MEF2A: variants seen among roughly 807,000 people sequenced by gnomAD.
MEF2A encodes the protein myocyte enhancer factor 2A.
A neutral mutation model predicts 55.8 loss-of-function variants in MEF2A; 28 were observed. The ratio of observed to expected loss-of-function variants is 0.50; its 90% CI spans 0.37 to 0.69. MEF2A has a LOEUF of 0.69. MEF2A is among the 30% of genes least tolerant of loss of function. The pLI is 0.00. For synonymous variants in MEF2A, 239 were observed against 227.1 expected (o/e 1.05, Z -0.47); for missense variants, 528 against 626.2 (o/e 0.84, Z 1.67).
intron 8 of MEF2A, among the ~76,000 whole-genome samples, chr15:99,695,184 G>A (rs1230683394): frequency 6.6e-6 from 1 of 151,780 alleles, no homozygotes; most frequent in East Asian, 1.9e-4. Context: ...GACTATGTAA[G>A]GCAAAAATAG....
intron 1 of MEF2A, among the ~76,000 whole-genome samples, chr15:99,594,666 C>G (rs1970559142): frequency 6.6e-6 from 1 of 152,054 alleles, no homozygotes; most frequent in Admixed American, 6.6e-5. Flanking sequence ...GCCCCCTAGT[C>G]ACTAGTCATT....
intron 4 of MEF2A, among the ~76,000 whole-genome samples, chr15:99,668,675 T>A (rs1342755588): frequency 6.6e-6 from 1 of 152,178 alleles, no homozygotes; most frequent in Non-Finnish European, 1.5e-5. Context: ...TTTTCCTCAT[T>A]GAGCAAGTGT....
intron 5 of MEF2A, among the ~76,000 whole-genome samples, chr15:99,672,151 G>A (rs1394939306): frequency 6.6e-6 from 1 of 152,108 alleles, no homozygotes; most frequent in African/African-American, 2.4e-5. Flanking sequence ...CAATTATTTT[G>A]TATAGTTGCT....
intron 3 of MEF2A, among the ~76,000 whole-genome samples, chr15:99,637,149 A>G (rs2034932522): frequency 6.9e-6 from 1 of 144,768 alleles, no homozygotes; most frequent in East Asian, 2.0e-4. Flanking sequence ...CCAGCTGACT[A>G]TTCTTGCCCT....
chr15:99,623,657 T>C (rs1250336789), intron 2 of MEF2A, among the ~76,000 whole-genome samples: 1 of 152,216 alleles, frequency 6.6e-6, no homozygotes, highest in Non-Finnish European at 1.5e-5. Context: ...ATGTTGAGCA[T>C]CTTTTCATAG....
chr15:99,674,248 A>G (rs2051454733), intron 5 of MEF2A, 145 bp from the exon 6 acceptor site: 1 of 638,766 alleles, frequency 1.6e-6, no homozygotes, highest in Non-Finnish European at 2.6e-6. Context: ...TAAAGAAAAT[A>G]GCTTTAATCT....
rs1205333724 is a variant in MEF2A at position 99,703,526 on chromosome 15, T to C, written c.882+141T>C. The C allele has an allele frequency of 1.4e-5, 9 of 634,220 alleles. No individual in the cohort carries two copies. In the East Asian group the frequency reaches 2.8e-4, roughly 20 times the overall value. 39.3% of individuals were successfully genotyped at this position (634,220 alleles called of 1,614,324 possible). On this transcript the variant is annotated intron_variant, in intron 9 of 11. Coordinates refer to ENST00000557942, the MANE Select transcript of MEF2A (RefSeq NM_001319206.4). Reference sequence around the variant, plus strand: ...TTCAAACACTTTGAATAAAGCAATCTACTGGTACTACAGACTCTAGTTTTT... The same window carrying C: ...TTCAAACACTTTGAATAAAGCAATCCACTGGTACTACAGACTCTAGTTTTT...
At chr15:99,673,680 G>C (rs966074285) in intron 5 of MEF2A, among the ~76,000 whole-genome samples, 1 of 152,092 alleles carries the variant, frequency 6.6e-6, no homozygotes, top group Non-Finnish European at 1.5e-5. Context: ...GGAATAATTT[G>C]GAGGGAGGGA....
At chr15:99,675,767 G>A (rs1245919603) in intron 7 of MEF2A, among the ~76,000 whole-genome samples, 9 of 152,272 alleles carry the variant, frequency 5.9e-5, no homozygotes, top group Middle Eastern at 3.4e-3. Flanking sequence ...GCCGGGCGTC[G>A]TGGCTCACAC....
intron 7 of MEF2A, among the ~76,000 whole-genome samples, chr15:99,688,345 A>G (rs2054702790): frequency 6.6e-6 from 1 of 152,264 alleles, no homozygotes; most frequent in Non-Finnish European, 1.5e-5. Flanking sequence ...CGAAAGATCC[A>G]GAAGTGGTAC....
chr15:99,712,521 A>C lies in MEF2A; in HGVS notation c.1268A>C (p.Gln423Pro), dbSNP rs200861006. The C allele has an allele frequency of 4.6e-6, 7 of 1,537,658 alleles. No individual in the cohort carries two copies. The highest frequency in any genetic ancestry group is 6.1e-6 in the Non-Finnish European group (7 of 1,142,328). ...TPSGFQQQQQ[Q>P]QQQQQPPPPP... The stretch of plus-strand genomic sequence containing the variant: ...TCGGGCTTCCAGCAGCAGCAGCAGC[A>C]GCAGCAGCAGCAGCAGCCGCCGCCA... Residue 423 changes from glutamine (Q) to proline (P), a missense_variant, in exon 12 of 12, where the codon CAG (glutamine) becomes CCG (proline). By Grantham distance (76) the Gln-to-Pro change is moderately conservative (BLOSUM62 -1). Transcript: ENST00000557942. The surrounding 1 kb of genome is among the most constrained non-coding windows in gnomAD (Gnocchi z 4.1).
rs1021066864 is a variant in MEF2A, at chr15:99,622,511, AT to A, written c.-142-10460del. Among the ~76,000 whole-genome samples the A allele has an allele frequency of 3.9e-5, 6 of 152,006 alleles. 1 individual carries two copies. Among genetic ancestry groups the A allele is most frequent in the Middle Eastern group, 6.3e-3 (2 of 316 alleles). On this transcript the variant is annotated intron_variant, in intron 2 of 11. Transcript: ENST00000557942. The stretch of plus-strand genomic sequence containing the variant: ...CTGGAATTATTTGAAAGATATATGC[AT>A]TTTTTTCAGTATTTGAATATTTTGA...
intron 2 of MEF2A, among the ~76,000 whole-genome samples, chr15:99,619,817 C>G (rs948576404): frequency 1.3e-5 from 2 of 152,146 alleles, no homozygotes; most frequent in Non-Finnish European, 2.9e-5. Context: ...TAGAAATTGT[C>G]AGGTGCCAAA....
At chr15:99,599,461 A>G (rs1972280050) in intron 2 of MEF2A, among the ~76,000 whole-genome samples, 1 of 152,100 alleles carries the variant, frequency 6.6e-6, no homozygotes, top group South Asian at 2.1e-4. Context: ...TTCTTGAATG[A>G]TTAAATAGTA....
chr15:99,647,392 G>A (rs1278376693), intron 4 of MEF2A, among the ~76,000 whole-genome samples: 1 of 151,856 alleles, frequency 6.6e-6, no homozygotes, highest in Non-Finnish European at 1.5e-5. Context: ...CAGCAAATAA[G>A]TATTCTAGCT....
chr15:99,682,339 T>G (rs1480845870), intron 7 of MEF2A, among the ~76,000 whole-genome samples: 2 of 152,206 alleles, frequency 1.3e-5, no homozygotes, highest in Admixed American at 1.3e-4. Context: ...TTCACATTTG[T>G]GTTAGGATAG....
chr15:99,668,362 G>A (rs1354381435), intron 4 of MEF2A, among the ~76,000 whole-genome samples: 1 of 152,118 alleles, frequency 6.6e-6, no homozygotes, highest in Admixed American at 6.5e-5. Context: ...TGTTGTAGAA[G>A]ACATTTCTTT....
chr15:99,591,681 T>A (rs925701561), intron 1 of MEF2A, among the ~76,000 whole-genome samples: 63 of 152,232 alleles, frequency 4.1e-4, no homozygotes, highest in Non-Finnish European at 1.0e-4. Context: ...CACAGGTTCT[T>A]CATAATCTGT....
intron 4 of MEF2A, among the ~76,000 whole-genome samples, chr15:99,655,720 A>T (rs966674588): frequency 4.6e-5 from 7 of 152,148 alleles, no homozygotes; most frequent in Non-Finnish European, 8.8e-5. Flanking sequence ...GGGTTAGGCC[A>T]TGTTCTAAGG....
Sources: allele counts gnomAD v4.1 joint callset (sites outside exome capture counted in the v4.1 genomes callset), GRCh38; gene constraint gnomAD v4.1.1; non-coding constraint Gnocchi (gnomAD v3.1); transcripts MANE v1.5; gene names NCBI Gene and HGNC (gene_info 2026-07-23, HGNC 2026-07-21).